The following SUCLG2 variants were observed in gnomAD, a reference collection of about 807,000 sequenced individuals.
SUCLG2 encodes succinate--CoA ligase [GDP-forming] subunit beta, mitochondrial.
A neutral mutation model predicts 47.9 loss-of-function variants in SUCLG2; 42 were observed. That is an observed-to-expected ratio of 0.88 (90% CI 0.69 to 1.14). SUCLG2 has a LOEUF of 1.14. Ranked by LOEUF, SUCLG2 falls within the 50% of genes most tolerant of loss-of-function variation. The pLI, the probability that SUCLG2 is intolerant of heterozygous loss-of-function variation, is 0.00. For synonymous variants in SUCLG2, 195 were observed against 197.3 expected, an observed-to-expected ratio of 0.99 and a Z score of 0.10; for missense variants, 571 against 525.9, an observed-to-expected ratio of 1.09 and a Z score of -0.84.
chr3:67,527,104 A>G (rs1706275388), intron 4 of SUCLG2, among the ~76,000 whole-genome samples: 1 of 152,232 alleles, frequency 6.6e-6, no homozygotes, highest in South Asian at 2.1e-4. Context: ...AAAATTAACA[A>G]AAGAAAATGG....
At chr3:67,611,932 A>T (rs920920378) in intron 1 of SUCLG2, among the ~76,000 whole-genome samples, 2 of 152,190 alleles carry the variant, frequency 1.3e-5, no homozygotes, top group Non-Finnish European at 2.9e-5. Context: ...AAATCCACTG[A>T]TGACACCCGG....
chr3:67,536,108 T>C (rs1402756773), intron 2 of SUCLG2, among the ~76,000 whole-genome samples: 2 of 152,104 alleles, frequency 1.3e-5, no homozygotes, highest in Non-Finnish European at 2.9e-5. Context: ...TAACCAGTGA[T>C]GAGGAAGGGA....
chr3:67,647,671 G>A (rs925154860), intron 1 of SUCLG2, among the ~76,000 whole-genome samples: 1 of 152,216 alleles, frequency 6.6e-6, no homozygotes, highest in Non-Finnish European at 1.5e-5. Context: ...GTAAATGTTT[G>A]TGAAATGAGT....
chr3:67,443,933 G>C (rs1230078200), intron 9 of SUCLG2, among the ~76,000 whole-genome samples: 2 of 95,896 alleles, frequency 2.1e-5, no homozygotes, highest in Admixed American at 1.1e-4. Context: ...GTCTCCGCCC[G>C]GCAGCCACCC....
At chr3:67,437,990 T>C (rs984353928) in intron 9 of SUCLG2, among the ~76,000 whole-genome samples, 1 of 152,124 alleles carries the variant, frequency 6.6e-6, no homozygotes, top group Non-Finnish European at 1.5e-5. Context: ...AAAGAATACA[T>C]ATACGTGATG....
chr3:67,633,275 A>T (rs993313513), intron 1 of SUCLG2, among the ~76,000 whole-genome samples: 2 of 152,216 alleles, frequency 1.3e-5, no homozygotes, highest in Non-Finnish European at 2.9e-5. Context: ...ATGCTAGATG[A>T]AGTACTTACT....
At chr3:67,562,384 T>C (rs1707330135) in intron 2 of SUCLG2, among the ~76,000 whole-genome samples, 2 of 152,112 alleles carry the variant, frequency 1.3e-5, no homozygotes, top group Non-Finnish European at 2.9e-5. Flanking sequence ...TTCAAGTGAT[T>C]CTCCTGCCTC....
At chr3:67,457,548 A>C (rs1575708850) in intron 9 of SUCLG2, among the ~76,000 whole-genome samples, 2 of 152,132 alleles carry the variant, frequency 1.3e-5, no homozygotes, top group East Asian at 3.9e-4. Context: ...CTACTTACAG[A>C]AGATGCCCGA....
chr3:67,629,967 C>T (rs1234052668), intron 1 of SUCLG2, among the ~76,000 whole-genome samples: 1 of 152,076 alleles, frequency 6.6e-6, no homozygotes, highest in Non-Finnish European at 1.5e-5. Flanking sequence ...CTCTCTGCCC[C>T]CTTCTCATCT....
chr3:67,534,551 A>G (rs551538275), intron 2 of SUCLG2, among the ~76,000 whole-genome samples: 17 of 151,924 alleles, frequency 1.1e-4, no homozygotes, highest in South Asian at 4.1e-4. Flanking sequence ...AACCGTTAAT[A>G]CACATTTTGT....
intron 1 of SUCLG2, among the ~76,000 whole-genome samples, chr3:67,638,732 G>T (rs1327638613): frequency 6.6e-6 from 1 of 152,224 alleles, no homozygotes; most frequent in African/African-American, 2.4e-5. Context: ...TGACAGGTGG[G>T]TGTTCAAATC....
chr3:67,553,676 A>G (rs540193055), intron 2 of SUCLG2, among the ~76,000 whole-genome samples: 2 of 152,316 alleles, frequency 1.3e-5, no homozygotes, highest in African/African-American at 4.8e-5. Flanking sequence ...TAAGTATTAA[A>G]TTGCACCAGT....
At chr3:67,376,327 C>T in intron 10 of SUCLG2, 1 of 985,422 alleles carries the variant, frequency 1.0e-6, no homozygotes, top group Non-Finnish European at 1.2e-6. Context: ...CTTCTCCTCA[C>T]TCTATAAAAT....
chr3:67,616,490 A>G (rs1281132226), intron 1 of SUCLG2, among the ~76,000 whole-genome samples: 1 of 152,238 alleles, frequency 6.6e-6, no homozygotes, highest in Non-Finnish European at 1.5e-5. Context: ...TCACCAAGCT[A>G]TTGCCAGTAA....
chr3:67,556,856 T>C (rs534968003), intron 2 of SUCLG2, among the ~76,000 whole-genome samples: 9 of 152,286 alleles, frequency 5.9e-5, no homozygotes, highest in Non-Finnish European at 1.3e-4. Flanking sequence ...TGGACACAAT[T>C]CTGCCCTGAG....
At chr3:67,507,705 T>C (rs1705675302) in intron 7 of SUCLG2, among the ~76,000 whole-genome samples, 1 of 152,324 alleles carries the variant, frequency 6.6e-6, no homozygotes, top group African/African-American at 2.4e-5. Context: ...GGAGAAAATA[T>C]TGTCTCATCC....
At chr3:67,570,101 G>A (rs1447226940) in intron 2 of SUCLG2, among the ~76,000 whole-genome samples, 3 of 152,212 alleles carry the variant, frequency 2.0e-5, no homozygotes, top group Non-Finnish European at 4.4e-5. Context: ...GGAGTGCCCA[G>A]AAGAAAGGCC....
At position 67,642,320 on chromosome 3, in the gene SUCLG2, A is replaced by C. The variant is rs117528133; in HGVS notation, c.84+12183T>G. ...GTTTGTTACTCTTTAAAATGGGCTT[A>C]GTAGCTAGGCATGGTGGCTCACACC... On this transcript the variant is annotated intron_variant, in intron 1 of 10. Transcript: ENST00000307227. Among the ~76,000 whole-genome samples the C allele has an allele frequency of 5.2e-4, 79 of 152,280 alleles. 2 individuals are homozygous for C. In the East Asian group the frequency reaches 0.015, roughly 29 times the overall value.
intron 10 of SUCLG2, 105 bp downstream of exon 10, chr3:67,400,626 T>C: frequency 2.0e-6 from 3 of 1,482,188 alleles, no homozygotes; most frequent in Non-Finnish European, 2.7e-6. Context: ...TTACACAATC[T>C]AGTGTTTCGT....
Sources: allele counts gnomAD v4.1 joint callset (sites outside exome capture counted in the v4.1 genomes callset), GRCh38; gene constraint gnomAD v4.1.1; transcripts MANE v1.5; gene names NCBI Gene and HGNC (gene_info 2026-07-23, HGNC 2026-07-21).